Variants in UBR2 observed in about 807,000 individuals in gnomAD.
UBR2 encodes the protein E3 ubiquitin-protein ligase UBR2.
In UBR2, 92 loss-of-function variants were observed where a neutral mutation model predicts 247.9. The observed-to-expected ratio is 0.37, with a 90% CI of 0.31 to 0.44. UBR2 has a LOEUF of 0.44. UBR2 is among the 20% of genes least tolerant of loss of function. The pLI, the probability that UBR2 is intolerant of heterozygous loss-of-function variation, is 1.00. For missense variants in UBR2, 1,613 were observed against 2,112.6 expected, an observed-to-expected ratio of 0.76 and a Z score of 4.64; for synonymous variants, 672 against 693.5, an observed-to-expected ratio of 0.97 and a Z score of 0.49.
chr6:42,666,085 T>C, intron 33 of UBR2, 82 bp from the exon 34 acceptor site: 1 of 1,236,068 alleles, frequency 8.1e-7, no homozygotes, highest in Non-Finnish European at 1.1e-6. Flanking sequence ...CCTTTTGTTT[T>C]TGATTTCTTT....
At chr6:42,637,266 ATACT>A (rs1582609841) in intron 15 of UBR2, 72 bp downstream of exon 15, 1 of 1,472,746 alleles carries the variant, frequency 6.8e-7, no homozygotes. Context: ...ATATCTGTGA[ATACT>A]TACTTTGTGC....
At chr6:42,672,747 A>G (rs910516668) in intron 36 of UBR2, among the ~76,000 whole-genome samples, 4 of 151,990 alleles carry the variant, frequency 2.6e-5, no homozygotes, top group African/African-American at 9.7e-5. Context: ...AGCCCTCTGA[A>G]CCATGTACTG....
rs567838040 is a variant in UBR2 at position 42,622,238 on chromosome 6, C to T, written c.1281+4731C>T. ...TTCACCATATTGGTCAGGCTGGTGT[C>T]GAACTCCTGACCTCAGGTGATCCAC... On this transcript the variant is annotated intron_variant, in intron 11 of 46. Transcript: ENST00000372901. 1.1e-4 allele frequency among the ~76,000 whole-genome samples: 16 copies of T among 151,584 alleles called. 1 individual carries two copies. In the South Asian group the frequency reaches 2.1e-3, roughly 20 times the overall value.
chr6:42,601,722 A>G (rs1054951870), intron 4 of UBR2, among the ~76,000 whole-genome samples: 2 of 151,608 alleles, frequency 1.3e-5, no homozygotes, highest in African/African-American at 4.8e-5. Flanking sequence ...TGGGACATAT[A>G]AAGCAGCCTG....
chr6:42,607,655 CAGGCATGTCCCACCACTCCCAGCTGGGAG>C (rs61165131), intron 7 of UBR2, among the ~76,000 whole-genome samples: 76,957 of 135,158 alleles, frequency 0.57, 23,882 homozygotes, highest in South Asian at 0.61. Flanking sequence ...GCTGGGAGGA[CAGGCATGTCCCACCACTCCCAGCTGGGAG>C]GACAGGCATG....
In UBR2 at chr6:42,689,944, T is replaced by A. The variant is rs1799658057; in HGVS notation, c.5126+274T>A. 6.6e-6 allele frequency among the ~76,000 whole-genome samples: 1 copy of A among 152,184 alleles called. No individual in the cohort carries two copies. Among genetic ancestry groups the A allele is most frequent in the Non-Finnish European group, 1.5e-5 (1 of 68,028 alleles). Reference sequence around the variant, plus strand: ...CCAAAGAACTGTTTGAATTGCCATATAGCATCCCAGCTCAGAGCACTCCAG... The same window carrying A: ...CCAAAGAACTGTTTGAATTGCCATAAAGCATCCCAGCTCAGAGCACTCCAG... On this transcript the variant is annotated intron_variant, in intron 46 of 46. Coordinates refer to ENST00000372901, the MANE Select transcript of UBR2 (RefSeq NM_001363705.2). This position sits in a 1 kb window ranked among gnomAD's most constrained non-coding sequence, Gnocchi z 4.0.
chr6:42,598,052 G>A (rs753874853), intron 4 of UBR2, among the ~76,000 whole-genome samples: 1 of 152,074 alleles, frequency 6.6e-6, no homozygotes, highest in Non-Finnish European at 1.5e-5. Context: ...AAAGCTGGGG[G>A]AAACCTGGTG....
At chr6:42,613,459 C>A (rs1424040496) in intron 8 of UBR2, among the ~76,000 whole-genome samples, 1 of 152,150 alleles carries the variant, frequency 6.6e-6, no homozygotes, top group African/African-American at 2.4e-5. Flanking sequence ...CGGTGGCCCA[C>A]TCCTCTAGTC....
chr6:42,573,097 T>G (rs757251364), intron 1 of UBR2, among the ~76,000 whole-genome samples: 1 of 152,020 alleles, frequency 6.6e-6, no homozygotes, highest in African/African-American at 2.4e-5. Context: ...ACCTATGAGA[T>G]CTAAGTAGAA....
chr6:42,565,055 G>A (rs531755159), intron 1 of UBR2, among the ~76,000 whole-genome samples: 2 of 152,144 alleles, frequency 1.3e-5, no homozygotes, highest in Non-Finnish European at 2.9e-5. Flanking sequence ...AGGAGTTAGG[G>A]GTAATTGGAT....
chr6:42,653,452 C>T (rs1442892588), intron 25 of UBR2, among the ~76,000 whole-genome samples: 1 of 152,028 alleles, frequency 6.6e-6, no homozygotes, highest in Non-Finnish European at 1.5e-5. Flanking sequence ...ATTCACACAA[C>T]ACCCCATGAA....
intron 26 of UBR2, among the ~76,000 whole-genome samples, chr6:42,657,503 C>G (rs1797512073): frequency 6.6e-6 from 1 of 152,128 alleles, no homozygotes; most frequent in Non-Finnish European, 1.5e-5. Context: ...AATGGCAGCA[C>G]CAAAATCAAG....
chr6:42,631,881 T>C (rs868068406), intron 11 of UBR2, among the ~76,000 whole-genome samples: 1 of 121,666 alleles, frequency 8.2e-6, no homozygotes, highest in African/African-American at 3.1e-5. Flanking sequence ...TATATATATA[T>C]ATATATATAA....
intron 43 of UBR2, among the ~76,000 whole-genome samples, 199 bp downstream of exon 43, chr6:42,683,310 C>T (rs1338294901): frequency 3.3e-5 from 5 of 152,130 alleles, no homozygotes; most frequent in Admixed American, 2.0e-4. Flanking sequence ...ATACTACATT[C>T]TTGGCAGAGA....
At position 42,692,006 on chromosome 6, in the gene UBR2, T is replaced by G. The variant is rs1799777391; in HGVS notation, c.*833T>G. On this transcript the variant is annotated 3_prime_UTR_variant, in exon 47 of 47. Transcript: ENST00000372901. The stretch of plus-strand genomic sequence containing the variant: ...GGCCTTCCTTCATAAGATCTGGTTG[T>G]TTGGGCTGTGGTTGGCATAAGTGAT... The G allele has an allele frequency of 1.3e-5, 2 of 152,240 alleles. No homozygotes were observed. The highest frequency in any genetic ancestry group is 4.1e-4 in the South Asian group (2 of 4,824). 9.4% of individuals were successfully genotyped at this position (152,240 alleles called of 1,614,324 possible). A position where few individuals can be genotyped will look rare whatever the true frequency, so the allele number is the denominator to read the frequency against.
intron 10 of UBR2, 51 bp downstream of exon 10, chr6:42,616,141 C>A: frequency 2.3e-6 from 3 of 1,293,288 alleles, no homozygotes; most frequent in Non-Finnish European, 3.2e-6. Flanking sequence ...GTAACTATGC[C>A]CATAATTATA....
chr6:42,586,463 A>G (rs1458880858), intron 2 of UBR2, among the ~76,000 whole-genome samples: 1 of 149,568 alleles, frequency 6.7e-6, no homozygotes, highest in African/African-American at 2.5e-5. Context: ...GGATGTAATT[A>G]TTGATATGCT....
At chr6:42,629,219 G>A (rs1795541944) in intron 11 of UBR2, among the ~76,000 whole-genome samples, 1 of 152,066 alleles carries the variant, frequency 6.6e-6, no homozygotes, top group South Asian at 2.1e-4. Flanking sequence ...GTTTCGCCAT[G>A]TTGGCCAGAC....
At chr6:42,634,255 C>T (rs926310185) in intron 13 of UBR2, 2 of 425,692 alleles carry the variant, frequency 4.7e-6, no homozygotes, top group Non-Finnish European at 9.2e-6. Flanking sequence ...TAGGAAACAT[C>T]CCTATATACA....
Sources: gnomAD v4.1 joint callset for allele counts (sites outside exome capture counted in the v4.1 genomes callset) on GRCh38, gnomAD v4.1.1 for gene constraint, Gnocchi (gnomAD v3.1) non-coding constraint, MANE v1.5 for transcripts, NCBI Gene and HGNC (gene_info 2026-07-23, HGNC 2026-07-21) for gene names.